HSD17B4: variants seen among roughly 807,000 people sequenced by gnomAD.
HSD17B4 encodes hydroxysteroid 17-beta dehydrogenase 4.
In HSD17B4, 70 loss-of-function variants were observed where a neutral mutation model predicts 101.0. That is an observed-to-expected ratio of 0.69 (90% CI 0.57 to 0.85). The LOEUF (loss-of-function observed/expected upper bound fraction) is 0.85, where lower values mean the gene tolerates loss of function less well. Among genes scored for constraint, HSD17B4 ranks in the 40% least tolerant of loss-of-function variants. The probability of loss-of-function intolerance (pLI) is 0.00; values close to 1 mark genes in which losing one functional copy is unlikely to be tolerated. For missense variants in HSD17B4, 984 were observed against 892.4 expected, an observed-to-expected ratio of 1.10 and a Z score of -1.31; for synonymous variants, 347 against 297.1, an observed-to-expected ratio of 1.17 and a Z score of -1.73.
At chr5:119,541,022 T>A (rs185378371) in intron 23 of HSD17B4, among the ~76,000 whole-genome samples, 5 of 152,318 alleles carry the variant, frequency 3.3e-5, no homozygotes, top group Admixed American at 3.3e-4. Flanking sequence ...TCCATTTAGC[T>A]AGAAATCTAG....
chr5:119,527,973 GT>G (rs1378681762), intron 20 of HSD17B4, among the ~76,000 whole-genome samples: 1 of 152,060 alleles, frequency 6.6e-6, no homozygotes, highest in Non-Finnish European at 1.5e-5. Flanking sequence ...TTAAAAGACA[GT>G]TTTTGTTAAC....
chr5:119,542,087 G>A lies in HSD17B4; in HGVS notation c.*93G>A, dbSNP rs377015920. 1.6e-4 allele frequency: 132 copies of A among 833,930 alleles called. No individual in the cohort carries two copies. In the East Asian group the frequency reaches 2.8e-3, roughly 17 times the overall value. 51.7% of individuals were successfully genotyped at this position (833,930 alleles called of 1,614,324 possible). ...ATTCTGCAAAAGTGATTAGAACTAA[G>A]ATGCAGGGGAAATTGCTTAACATTT... On this transcript the variant is annotated 3_prime_UTR_variant, in exon 24 of 24. Transcript: ENST00000510025.
intron 21 of HSD17B4, among the ~76,000 whole-genome samples, chr5:119,531,038 T>G (rs954836947): frequency 1.3e-5 from 2 of 152,024 alleles, no homozygotes; most frequent in African/African-American, 4.8e-5. Context: ...TATTTTTCTT[T>G]TAAAATATTA....
intron 17 of HSD17B4, among the ~76,000 whole-genome samples, chr5:119,516,911 G>A (rs759824709): frequency 3.8e-4 from 58 of 152,354 alleles, no homozygotes; most frequent in South Asian, 4.1e-4. Flanking sequence ...ATTAGGGAAT[G>A]ACATGTAGAA....
intron 8 of HSD17B4, among the ~76,000 whole-genome samples, chr5:119,484,316 G>A (rs570356621): frequency 9.9e-5 from 15 of 152,188 alleles, no homozygotes; most frequent in Non-Finnish European, 1.9e-4. Flanking sequence ...AAAATCAATC[G>A]ACTGCTTACA....
chr5:119,517,322 G>T (rs1435999871), intron 17 of HSD17B4, among the ~76,000 whole-genome samples: 1 of 152,218 alleles, frequency 6.6e-6, no homozygotes, highest in African/African-American at 2.4e-5. Context: ...ATTTCTCGCT[G>T]GACCTTAGCT....
At chr5:119,467,801 G>A (rs1755962006) in intron 2 of HSD17B4, among the ~76,000 whole-genome samples, 1 of 152,164 alleles carries the variant, frequency 6.6e-6, no homozygotes, top group Admixed American at 6.5e-5. Flanking sequence ...TGATGCACGT[G>A]GAGTGTCCTG....
chr5:119,509,937 G>A (rs1395220086), intron 16 of HSD17B4, among the ~76,000 whole-genome samples: 1 of 152,166 alleles, frequency 6.6e-6, no homozygotes, highest in Non-Finnish European at 1.5e-5. Context: ...TTAACAGTAG[G>A]CTATCAGTTG....
intron 2 of HSD17B4, among the ~76,000 whole-genome samples, chr5:119,470,730 T>G (rs1233595152): frequency 6.6e-6 from 1 of 152,218 alleles, no homozygotes; most frequent in Non-Finnish European, 1.5e-5. Flanking sequence ...ACATTCTACC[T>G]GAAGTGCTGT....
In HSD17B4 at chr5:119,455,409, C is replaced by T. The variant is rs141025323; in HGVS notation, c.59-906C>T. 7.1e-3 allele frequency among the ~76,000 whole-genome samples: 1,076 copies of T among 152,094 alleles called. 15 individuals are homozygous for T. Among genetic ancestry groups the T allele is most frequent in the African/African-American group, 0.025 (1,017 of 41,472 alleles). ...GCGGGCGCCTGTAGTCCCAGCTACTCGCGAGGCTGAGGCAGGACAATCACC... is the reference window on the plus strand; with the variant it reads ...GCGGGCGCCTGTAGTCCCAGCTACTTGCGAGGCTGAGGCAGGACAATCACC... On this transcript the variant is annotated intron_variant, in intron 1 of 23. Transcript: ENST00000510025.
intron 23 of HSD17B4, among the ~76,000 whole-genome samples, chr5:119,538,029 C>T (rs1163818833): frequency 6.6e-6 from 1 of 152,142 alleles, no homozygotes; most frequent in Non-Finnish European, 1.5e-5. Context: ...AGGAACTTGG[C>T]TCCACTTAGT....
intron 20 of HSD17B4, among the ~76,000 whole-genome samples, chr5:119,527,682 T>A (rs1753725970): frequency 6.6e-6 from 1 of 152,112 alleles, no homozygotes; most frequent in Non-Finnish European, 1.5e-5. Context: ...AGAACAACAG[T>A]TTATATGGTC....
intron 22 of HSD17B4, among the ~76,000 whole-genome samples, chr5:119,535,507 G>C (rs1428616245): frequency 6.6e-6 from 1 of 151,432 alleles, no homozygotes; most frequent in Non-Finnish European, 1.5e-5. Context: ...TTTATAGCTT[G>C]TTTCTTGGTT....
chr5:119,462,734 GAC>G (rs980845564), intron 2 of HSD17B4, among the ~76,000 whole-genome samples: 5 of 151,854 alleles, frequency 3.3e-5, no homozygotes, highest in East Asian at 1.9e-4. Context: ...ATTTTTAATT[GAC>G]ACATACATAT....
chr5:119,470,171 G>A (rs547268055), intron 2 of HSD17B4, among the ~76,000 whole-genome samples: 5 of 152,126 alleles, frequency 3.3e-5, no homozygotes, highest in South Asian at 2.1e-4. Flanking sequence ...TGGTGGCAGC[G>A]TCCCCATTGT....
At chr5:119,517,256 G>A (rs1372390360) in intron 17 of HSD17B4, among the ~76,000 whole-genome samples, 1 of 152,230 alleles carries the variant, frequency 6.6e-6, no homozygotes, top group Non-Finnish European at 1.5e-5. Context: ...CAGGCCAGCG[G>A]CTGCGGAGGG....
intron 13 of HSD17B4, among the ~76,000 whole-genome samples, chr5:119,500,081 C>T (rs1214323676): frequency 2.6e-5 from 4 of 152,004 alleles, no homozygotes; most frequent in Non-Finnish European, 5.9e-5. Context: ...CATGTGAAGC[C>T]ATTTGTTGAT....
At chr5:119,469,028 C>T (rs1229952867) in intron 2 of HSD17B4, among the ~76,000 whole-genome samples, 1 of 151,206 alleles carries the variant, frequency 6.6e-6, no homozygotes, top group Middle Eastern at 3.2e-3. Context: ...AGTGTGAACA[C>T]TCAGTCATCA....
At chr5:119,486,344 C>T (rs1426068016) in intron 8 of HSD17B4, among the ~76,000 whole-genome samples, 1 of 152,132 alleles carries the variant, frequency 6.6e-6, no homozygotes, top group Admixed American at 6.6e-5. Flanking sequence ...ATCTTGATGA[C>T]TTGCTGTCAT....
Sources: gnomAD v4.1 joint callset for allele counts (sites outside exome capture counted in the v4.1 genomes callset) on GRCh38, gnomAD v4.1.1 for gene constraint, MANE v1.5 for transcripts, NCBI Gene and HGNC (gene_info 2026-07-23, HGNC 2026-07-21) for gene names.